Variants in FSTL4 observed in about 807,000 individuals in gnomAD.
FSTL4 encodes the protein follistatin-related protein 4.
In FSTL4, 28 loss-of-function variants were observed where a neutral mutation model predicts 78.2. That is an observed-to-expected ratio of 0.36 (90% CI 0.27 to 0.49). The LOEUF (loss-of-function observed/expected upper bound fraction) is 0.49. Ranked by LOEUF, FSTL4 falls within the 20% of genes least tolerant of loss-of-function variation. The pLI is 0.98. For synonymous variants in FSTL4, 422 were observed against 440.5 expected, an observed-to-expected ratio of 0.96 and a Z score of 0.53; for missense variants, 922 against 1,084.9, an observed-to-expected ratio of 0.85 and a Z score of 2.11.
chr5:133,222,613 G>GCTA (rs1751176474), intron 11 of FSTL4, among the ~76,000 whole-genome samples: 1 of 152,206 alleles, frequency 6.6e-6, no homozygotes, highest in Non-Finnish European at 1.5e-5. Context: ...TGTGGCTGTA[G>GCTA]CTACATTCTG....
chr5:133,816,580 ACAC>A, the FSTL4 span, among the ~76,000 whole-genome samples: 1 of 152,138 alleles, frequency 6.6e-6, no homozygotes, highest in African/African-American at 2.4e-5. Context: ...GGTGAGGCCA[ACAC>A]CACCAATCCC....
the FSTL4 span, among the ~76,000 whole-genome samples, chr5:133,677,536 G>A: frequency 2.4e-4 from 36 of 152,280 alleles, no homozygotes; most frequent in Non-Finnish European, 3.4e-4. Flanking sequence ...AGATACTAAC[G>A]GAAGGATAGT....
chr5:133,795,250 T>G, the FSTL4 span, among the ~76,000 whole-genome samples: 1 of 152,194 alleles, frequency 6.6e-6, no homozygotes, highest in Non-Finnish European at 1.5e-5. Flanking sequence ...GCAATCCGTC[T>G]GCAAACTCAG....
intron 6 of FSTL4, 76 bp from the exon 7 acceptor site, chr5:133,249,652 G>T: frequency 8.4e-7 from 1 of 1,197,224 alleles, no homozygotes; most frequent in Non-Finnish European, 1.2e-6. Flanking sequence ...GAATAGCCAT[G>T]AATTTCCTGG....
chr5:133,348,494 C>A (rs1048066090), intron 4 of FSTL4, among the ~76,000 whole-genome samples: 5 of 152,334 alleles, frequency 3.3e-5, no homozygotes, highest in African/African-American at 9.6e-5. Flanking sequence ...CAGATCATAA[C>A]CCCATAGGAG....
At chr5:133,323,820 GA>G (rs1400119494) in intron 4 of FSTL4, among the ~76,000 whole-genome samples, 2 of 152,254 alleles carry the variant, frequency 1.3e-5, no homozygotes, top group Non-Finnish European at 2.9e-5. Flanking sequence ...TTTCATGTCA[GA>G]ACTTGGTAAT....
intron 3 of FSTL4, among the ~76,000 whole-genome samples, chr5:133,479,289 G>A (rs943714737): frequency 6.6e-6 from 1 of 152,190 alleles, no homozygotes; most frequent in Non-Finnish European, 1.5e-5. Context: ...GAGTAAATAG[G>A]TGTCAGTTTC....
intron 3 of FSTL4, among the ~76,000 whole-genome samples, chr5:133,404,791 T>C (rs1388477701): frequency 1.3e-5 from 2 of 152,196 alleles, no homozygotes; most frequent in Non-Finnish European, 2.9e-5. Context: ...TACATCCACA[T>C]GGAGCAGGAA....
the FSTL4 span, among the ~76,000 whole-genome samples, chr5:133,620,193 C>T: frequency 1.3e-5 from 2 of 152,108 alleles, no homozygotes; most frequent in East Asian, 3.9e-4. Context: ...GCCTAAAATT[C>T]TGGAATTTCA....
chr5:133,538,461 T>G (rs1759397631), intron 3 of FSTL4, among the ~76,000 whole-genome samples: 1 of 152,212 alleles, frequency 6.6e-6, no homozygotes, highest in Non-Finnish European at 1.5e-5. Context: ...CCACCTTTTG[T>G]AATTAAAAAG....
At chr5:133,260,205 A>G (rs1160159422) in intron 6 of FSTL4, among the ~76,000 whole-genome samples, 1 of 152,160 alleles carries the variant, frequency 6.6e-6, no homozygotes, top group East Asian at 1.9e-4. Context: ...AGCCTCCCCT[A>G]CTGCATCCCT....
At chr5:133,819,366 G>C in the FSTL4 span, among the ~76,000 whole-genome samples, 1 of 152,118 alleles carries the variant, frequency 6.6e-6, no homozygotes, top group African/African-American at 2.4e-5. Flanking sequence ...CCAAGCCTCT[G>C]TCTGCTCCCT....
At chr5:133,682,311 C>T in the FSTL4 span, among the ~76,000 whole-genome samples, 1 of 152,202 alleles carries the variant, frequency 6.6e-6, no homozygotes, top group African/African-American at 2.4e-5. Flanking sequence ...CTCTCATTCC[C>T]AATCCCCCTA....
At chr5:133,221,909 T>TTTTG (rs1751134838) in intron 11 of FSTL4, among the ~76,000 whole-genome samples, 7 of 114,460 alleles carry the variant, frequency 6.1e-5, no homozygotes, top group African/African-American at 3.1e-4. Flanking sequence ...TTTTTTTTTT[T>TTTTG]TTTTTTTTTT....
At chr5:133,383,576 G>A (rs1755625803) in intron 4 of FSTL4, among the ~76,000 whole-genome samples, 1 of 152,194 alleles carries the variant, frequency 6.6e-6, no homozygotes, top group Non-Finnish European at 1.5e-5. Context: ...CTGACTGACA[G>A]GCCCCAGGGC....
chr5:133,804,581 A>G, the FSTL4 span, among the ~76,000 whole-genome samples: 1 of 152,222 alleles, frequency 6.6e-6, no homozygotes, highest in Admixed American at 6.5e-5. Context: ...ACTGATCTGC[A>G]TGATACCCAG....
chr5:133,436,193 T>A (rs767895726), intron 3 of FSTL4, among the ~76,000 whole-genome samples: 1 of 152,244 alleles, frequency 6.6e-6, no homozygotes, highest in Non-Finnish European at 1.5e-5. Flanking sequence ...CTATGTTTTA[T>A]GGTATATGGC....
At chr5:133,805,652 G>C in the FSTL4 span, among the ~76,000 whole-genome samples, 1 of 152,222 alleles carries the variant, frequency 6.6e-6, no homozygotes, top group Non-Finnish European at 1.5e-5. Flanking sequence ...CACTGTGGGA[G>C]AAGAATTTTT....
chr5:133,615,396 G>C (rs115151202), upstream of FSTL4, among the ~76,000 whole-genome samples: 4 of 152,364 alleles, frequency 2.6e-5, no homozygotes, highest in Non-Finnish European at 5.9e-5. Flanking sequence ...CTGGATGGGA[G>C]GCACAAGGAT....
Sources: allele counts gnomAD v4.1 joint callset (sites outside exome capture counted in the v4.1 genomes callset), GRCh38; gene constraint gnomAD v4.1.1; transcripts MANE v1.5; gene names NCBI Gene and HGNC (gene_info 2026-07-23, HGNC 2026-07-21).